The following FARSB variants were observed in gnomAD, a reference collection of about 807,000 sequenced individuals.
The protein encoded by FARSB is phenylalanine--tRNA ligase beta subunit.
A neutral mutation model predicts 69.6 loss-of-function variants in FARSB; 40 were observed. That is an observed-to-expected ratio of 0.57 (90% CI 0.45 to 0.75). The LOEUF is 0.75. Among genes scored for constraint, FARSB ranks in the 30% least tolerant of loss-of-function variants. The probability of loss-of-function intolerance (pLI) is 0.00; values close to 1 mark genes in which losing one functional copy is unlikely to be tolerated. For missense variants in FARSB, 632 were observed against 722.9 expected, an observed-to-expected ratio of 0.87 and a Z score of 1.44; for synonymous variants, 235 against 247.2, an observed-to-expected ratio of 0.95 and a Z score of 0.46.
intron 5 of FARSB, among the ~76,000 whole-genome samples, chr2:222,634,948 G>T (rs1366661981): frequency 6.6e-6 from 1 of 152,162 alleles, no homozygotes; most frequent in Non-Finnish European, 1.5e-5. Context: ...CTATCGAATT[G>T]TGGGTTTTTT....
intron 13 of FARSB, among the ~76,000 whole-genome samples, chr2:222,620,231 T>G (rs1574936909): frequency 1.3e-5 from 2 of 152,216 alleles, no homozygotes; most frequent in African/African-American, 4.8e-5. Flanking sequence ...TTCCATAATA[T>G]TCCTAATGAC....
At chr2:222,650,805 G>T (rs1387790796) in intron 1 of FARSB, among the ~76,000 whole-genome samples, 1 of 152,152 alleles carries the variant, frequency 6.6e-6, no homozygotes, top group Non-Finnish European at 1.5e-5. Context: ...GCAACATGGT[G>T]AGACCCAAAG....
intron 15 of FARSB, among the ~76,000 whole-genome samples, chr2:222,604,908 A>G (rs1690660751): frequency 6.6e-6 from 1 of 152,038 alleles, no homozygotes; most frequent in Admixed American, 6.6e-5. Context: ...CCTACAGCCT[A>G]AAAAGAAGAT....
rs80240052 is a variant in FARSB, at chr2:222,611,971, G to A, written c.1462+1840C>T. On this transcript the variant is annotated intron_variant, in intron 15 of 16. Transcript: ENST00000281828. ...ATTACAAAACTTTTGAGGAAACCTAGTGTAATTAACCTAACCCTGATTTAT... is the reference window on the plus strand; with the variant it reads ...ATTACAAAACTTTTGAGGAAACCTAATGTAATTAACCTAACCCTGATTTAT... Among the ~76,000 whole-genome samples, 838 of 152,252 alleles carry A rather than the reference G, an allele frequency of 5.5e-3. 10 individuals carry two copies. The highest frequency in any genetic ancestry group is 0.019 in the African/African-American group (785 of 41,532).
intron 3 of FARSB, among the ~76,000 whole-genome samples, chr2:222,641,930 GAAGT>G (rs1201011542): frequency 1.4e-5 from 2 of 140,268 alleles, no homozygotes; most frequent in African/African-American, 5.7e-5. Flanking sequence ...AGATAATGAA[GAAGT>G]AATCAAAAAT....
rs146186962 is a variant in FARSB at position 222,656,075 on chromosome 2, G to A, written c.-2C>T. 4.3e-5 allele frequency: 68 copies of A among 1,594,418 alleles called. No individual in the cohort carries two copies. Among genetic ancestry groups the A allele is most frequent in the Middle Eastern group, 1.7e-4 (1 of 6,040 alleles). ...ACGCTTCACGCTGACAGTCGGCATG[G>A]TGTGTCGAACTCACTGCGCCTGCGC... On this transcript the variant is annotated 5_prime_UTR_variant, in exon 1 of 17. Coordinates refer to ENST00000281828, the MANE Select transcript of FARSB (RefSeq NM_005687.5).
chr2:222,597,226 C>T lies in FARSB; in HGVS notation c.1618+2702G>A, dbSNP rs912122324. 1.6e-4 allele frequency among the ~76,000 whole-genome samples: 24 copies of T among 152,250 alleles called. 2 individuals are homozygous for T. Among genetic ancestry groups the T allele is most frequent in the Admixed American group, 1.4e-3 (21 of 15,272 alleles). On this transcript the variant is annotated intron_variant, in intron 16 of 16. Transcript: ENST00000281828. The stretch of plus-strand genomic sequence containing the variant: ...CCATGTGTAAAAAGCTTTTCATGTT[C>T]ATAAATCTTGGACATTTCATACATG...
At chr2:222,608,962 G>A (rs1434770871) in intron 15 of FARSB, among the ~76,000 whole-genome samples, 1 of 152,172 alleles carries the variant, frequency 6.6e-6, no homozygotes, top group Non-Finnish European at 1.5e-5. Flanking sequence ...TTGATTTTCA[G>A]GGTTCTCCAC....
intron 15 of FARSB, among the ~76,000 whole-genome samples, chr2:222,611,332 C>T (rs373536051): frequency 1.3e-5 from 2 of 151,710 alleles, no homozygotes; most frequent in African/African-American, 4.8e-5. Context: ...TCCTTCCCAA[C>T]GAAACAAAGT....
intron 16 of FARSB, among the ~76,000 whole-genome samples, chr2:222,588,345 T>C (rs1268910588): frequency 1.3e-5 from 2 of 152,166 alleles, no homozygotes; most frequent in Non-Finnish European, 2.9e-5. Flanking sequence ...AAACTAGGTA[T>C]TGATGGAACA....
At chr2:222,613,684 G>A (rs1690915879) in intron 15 of FARSB, 127 bp downstream of exon 15, 1 of 570,854 alleles carries the variant, frequency 1.8e-6, no homozygotes, top group Non-Finnish European at 3.1e-6. Flanking sequence ...GGTAACTGTT[G>A]AAGGTGGGTG....
intron 16 of FARSB, among the ~76,000 whole-genome samples, chr2:222,580,234 T>C (rs1417712515): frequency 6.6e-6 from 1 of 152,106 alleles, no homozygotes; most frequent in Admixed American, 6.5e-5. Flanking sequence ...CACATTCCAC[T>C]ATATTTATAT....
chr2:222,607,461 T>C (rs776153616), intron 15 of FARSB, among the ~76,000 whole-genome samples: 7 of 152,228 alleles, frequency 4.6e-5, no homozygotes, highest in Non-Finnish European at 8.8e-5. Flanking sequence ...ATGAAGTTGA[T>C]AGAATGTGCT....
intron 10 of FARSB, among the ~76,000 whole-genome samples, chr2:222,625,911 G>T (rs1691256114): frequency 6.6e-6 from 1 of 152,150 alleles, no homozygotes; most frequent in Non-Finnish European, 1.5e-5. Context: ...CAGATAATAA[G>T]CGTTTGGTAT....
At chr2:222,627,054 A>C (rs1206885801) in intron 10 of FARSB, among the ~76,000 whole-genome samples, 2 of 152,194 alleles carry the variant, frequency 1.3e-5, no homozygotes, top group Non-Finnish European at 1.5e-5. Context: ...AAAAAGAAGA[A>C]GAAGAAAAAG....
At chr2:222,616,644 G>A (rs898962527) in intron 14 of FARSB, among the ~76,000 whole-genome samples, 1 of 151,932 alleles carries the variant, frequency 6.6e-6, no homozygotes, top group South Asian at 2.1e-4. Flanking sequence ...TGGAAGGGGT[G>A]TGGTAATATT....
intron 8 of FARSB, among the ~76,000 whole-genome samples, chr2:222,631,226 T>C (rs1464036561): frequency 6.6e-6 from 1 of 152,076 alleles, no homozygotes; most frequent in Non-Finnish European, 1.5e-5. Flanking sequence ...AGGTACCAAA[T>C]TACTCCGCAT....
At chr2:222,628,805 C>G in intron 10 of FARSB, 32 bp downstream of exon 10, 2 of 1,443,278 alleles carry the variant, frequency 1.4e-6, no homozygotes, top group Non-Finnish European at 1.9e-6. Context: ...GCATTGTTGT[C>G]ATAATCATGA....
At chr2:222,644,877 A>G in intron 2 of FARSB, among the ~76,000 whole-genome samples, 1 of 152,064 alleles carries the variant, frequency 6.6e-6, no homozygotes, top group African/African-American at 2.4e-5. Flanking sequence ...TTATTGTACT[A>G]TACTCACCTA....
Sources: gnomAD v4.1 joint callset for allele counts (sites outside exome capture counted in the v4.1 genomes callset) on GRCh38, gnomAD v4.1.1 for gene constraint, MANE v1.5 for transcripts, NCBI Gene and HGNC (gene_info 2026-07-23, HGNC 2026-07-21) for gene names.